KIAA1671: variants seen among roughly 807,000 people sequenced by gnomAD.
KIAA1671 encodes KIAA1671.
Under a neutral mutation model 131.2 loss-of-function variants are expected in KIAA1671, and 52 were observed. The ratio of observed to expected loss-of-function variants is 0.40; its 90% CI spans 0.32 to 0.50. The LOEUF (loss-of-function observed/expected upper bound fraction) is 0.50. Ranked by LOEUF, KIAA1671 falls within the 20% of genes least tolerant of loss-of-function variation. The pLI is 0.73. For missense variants in KIAA1671, 2,360 were observed against 2,364.2 expected, an observed-to-expected ratio of 1.00 and a Z score of 0.04; for synonymous variants, 1,003 against 961.6, an observed-to-expected ratio of 1.04 and a Z score of -0.80.
Position 25,028,847 on chromosome 22 carries a change from T to A in KIAA1671, c.848T>A (p.Leu283Ter). The change falls in exon 3 of 13, where the codon TTG becomes TAG. Residue 283 changes from leucine to a stop codon, truncating the protein, a stop_gained. Transcript: ENST00000358431. LOFTEE classifies it high-confidence loss of function. ...ACGTGGGTGAGGAAGCCCAGGCCCT[T>A]GTCCATGGACCTCACGGCCCGGTTT... is the stretch of plus-strand genomic sequence containing the variant. The part of the protein sequence containing the change: ...EKTWVRKPRP[L>*]SMDLTARFEN... 1 of 1,550,928 alleles carries A rather than the reference T, an allele frequency of 6.4e-7. No homozygotes were observed. The highest frequency in any genetic ancestry group is 8.7e-7 in the Non-Finnish European group (1 of 1,146,852).
chr22:25,026,702 C>A (rs1925961737), intron 2 of KIAA1671, among the ~76,000 whole-genome samples: 1 of 151,832 alleles, frequency 6.6e-6, no homozygotes, highest in African/African-American at 2.4e-5. Context: ...TGCACTCCAG[C>A]CTGGGCAGCA....
At chr22:25,147,106 A>G (rs563222390) in intron 6 of KIAA1671, among the ~76,000 whole-genome samples, 16 of 152,288 alleles carry the variant, frequency 1.1e-4, no homozygotes, top group African/African-American at 3.9e-4. Flanking sequence ...CCTTGATCCA[A>G]ACGTCAAACA....
At chr22:25,144,805 C>T (rs1398831384) in intron 6 of KIAA1671, among the ~76,000 whole-genome samples, 1 of 152,184 alleles carries the variant, frequency 6.6e-6, no homozygotes, top group East Asian at 1.9e-4. Context: ...CAGGGGTTCC[C>T]ACCCTGAACC....
chr22:25,166,915 C>T lies in KIAA1671; in HGVS notation c.4531-3905C>T, dbSNP rs544462777. 1.2e-3 allele frequency among the ~76,000 whole-genome samples: 176 copies of T among 152,258 alleles called. 1 individual carries two copies. Among genetic ancestry groups the T allele is most frequent in the African/African-American group, 4.2e-3 (173 of 41,546 alleles). On this transcript the variant is annotated intron_variant, in intron 6 of 12. Transcript: ENST00000358431. Reference sequence around the variant, plus strand: ...AAGCCCAGCATCCACCTTGCAGCCTCGGGACAACAAGCTGCTTGGGACAAC... The same window carrying T: ...AAGCCCAGCATCCACCTTGCAGCCTTGGGACAACAAGCTGCTTGGGACAAC...
chr22:25,072,877 C>T (rs1184335119), intron 6 of KIAA1671, among the ~76,000 whole-genome samples: 2 of 152,152 alleles, frequency 1.3e-5, no homozygotes, highest in East Asian at 3.8e-4. Context: ...TTGCAGAGAG[C>T]CAGGTGGAGG....
chr22:25,162,174 G>A (rs1378156014), intron 6 of KIAA1671, among the ~76,000 whole-genome samples: 12 of 152,282 alleles, frequency 7.9e-5, no homozygotes, highest in African/African-American at 2.6e-4. Context: ...CATTGTCAGC[G>A]CTCAGGAGTG....
At chr22:25,096,024 C>G (rs924553853) in intron 6 of KIAA1671, among the ~76,000 whole-genome samples, 1 of 152,188 alleles carries the variant, frequency 6.6e-6, no homozygotes, top group African/African-American at 2.4e-5. Flanking sequence ...AGATGTGTTC[C>G]CTGCCTGCCG....
chr22:25,108,105 G>T (rs1382564345), intron 6 of KIAA1671, among the ~76,000 whole-genome samples: 2 of 152,136 alleles, frequency 1.3e-5, no homozygotes, highest in African/African-American at 4.8e-5. Context: ...TTGATTTAGG[G>T]TGTTAAATTT....
At chr22:25,030,265 G>A (rs1378847339) in intron 3 of KIAA1671, among the ~76,000 whole-genome samples, 2 of 152,032 alleles carry the variant, frequency 1.3e-5, no homozygotes, top group East Asian at 1.9e-4. Flanking sequence ...GGCCGGGCGC[G>A]GTGGCTCATG....
At chr22:25,002,675 G>T (rs1405367260) in intron 1 of KIAA1671, among the ~76,000 whole-genome samples, 1 of 152,176 alleles carries the variant, frequency 6.6e-6, no homozygotes, top group African/African-American at 2.4e-5. Flanking sequence ...AGGGCACAGG[G>T]CTGGGCACCA....
chr22:25,018,879 T>C (rs957721081), intron 1 of KIAA1671, among the ~76,000 whole-genome samples: 1 of 152,202 alleles, frequency 6.6e-6, no homozygotes, highest in Non-Finnish European at 1.5e-5. Context: ...TGTACAAATA[T>C]CTGCTTTCAA....
chr22:25,104,818 G>C (rs1226352433), intron 6 of KIAA1671, among the ~76,000 whole-genome samples: 1 of 151,614 alleles, frequency 6.6e-6, no homozygotes, highest in African/African-American at 2.4e-5. Context: ...ATTTGATTTT[G>C]GGGAGAAAAT....
chr22:25,031,625 C>T (rs997381763), intron 3 of KIAA1671, among the ~76,000 whole-genome samples: 6 of 152,174 alleles, frequency 3.9e-5, no homozygotes, highest in South Asian at 2.1e-4. Context: ...CCACGGCACC[C>T]GGCCTGTATT....
At chr22:24,988,757 G>C (rs1923687539) in intron 1 of KIAA1671, among the ~76,000 whole-genome samples, 1 of 144,322 alleles carries the variant, frequency 6.9e-6, no homozygotes, top group South Asian at 2.2e-4. Context: ...AAAAAAAAAT[G>C]GGTTTGGGTG....
chr22:25,143,814 T>C lies in KIAA1671; in HGVS notation c.4531-27006T>C, dbSNP rs150768726. Among the ~76,000 whole-genome samples the C allele has an allele frequency of 3.1e-3, 476 of 152,332 alleles. 2 individuals are homozygous for C. Among genetic ancestry groups the C allele is most frequent in the African/African-American group, 0.011 (459 of 41,582 alleles). ...AAGTTGATCCTGTTTCCGCCATTTA[T>C]GTGCTGTGTGACCTTGAGCAAGTGA... On this transcript the variant is annotated intron_variant, in intron 6 of 12. Coordinates refer to ENST00000358431, the MANE Select transcript of KIAA1671 (RefSeq NM_001145206.2).
intron 1 of KIAA1671, among the ~76,000 whole-genome samples, chr22:24,982,554 T>G (rs899182106): frequency 2.6e-5 from 4 of 152,226 alleles, no homozygotes; most frequent in African/African-American, 9.6e-5. Flanking sequence ...TGCAGGGTTG[T>G]GGGTCTGCAT....
rs115701698 is a variant in KIAA1671, at chr22:25,126,277, C to T, written c.4531-44543C>T. ...CCTGATTTCTAGAAACAGCCCTTCCCTGGGCACACCTATGATTTAACACCG... is the reference window on the plus strand; with the variant it reads ...CCTGATTTCTAGAAACAGCCCTTCCTTGGGCACACCTATGATTTAACACCG... On this transcript the variant is annotated intron_variant, in intron 6 of 12. Transcript: ENST00000358431. Among the ~76,000 whole-genome samples, 989 of 152,344 alleles carry T rather than the reference C, an allele frequency of 6.5e-3. 13 individuals carry two copies. Among genetic ancestry groups the T allele is most frequent in the African/African-American group, 0.023 (949 of 41,580 alleles).
At chr22:24,998,081 C>A (rs5760784) in intron 1 of KIAA1671, among the ~76,000 whole-genome samples, 1 of 152,052 alleles carries the variant, frequency 6.6e-6, no homozygotes, top group African/African-American at 2.4e-5. Context: ...TCCTGATAAA[C>A]CCATCATAAG....
rs559000982 is a variant in KIAA1671, at chr22:25,094,433, G to A, written c.4530+45069G>A. On this transcript the variant is annotated intron_variant, in intron 6 of 12. Coordinates refer to ENST00000358431, the MANE Select transcript of KIAA1671 (RefSeq NM_001145206.2). ...TGTTGGCTGAGAGGACACAGGCCCA[G>A]GTCTGTCCAAGGCCCCTCAGCAGGT... is the stretch of plus-strand genomic sequence containing the variant. Among the ~76,000 whole-genome samples, 4 of 152,294 alleles carry A rather than the reference G, an allele frequency of 2.6e-5. No homozygotes were observed. In the South Asian group the frequency reaches 8.3e-4, roughly 32 times the overall value.
Sources: gnomAD v4.1 joint callset for allele counts (sites outside exome capture counted in the v4.1 genomes callset) on GRCh38, gnomAD v4.1.1 for gene constraint, MANE v1.5 for transcripts, NCBI Gene and HGNC (gene_info 2026-07-23, HGNC 2026-07-21) for gene names.